Variants in AUTS2 observed in about 807,000 individuals in gnomAD.
AUTS2 encodes activator of transcription and developmental regulator AUTS2.
A neutral mutation model predicts 112.4 loss-of-function variants in AUTS2; 17 were observed. The ratio of observed to expected loss-of-function variants is 0.15; its 90% confidence interval spans 0.10 to 0.23. The LOEUF (loss-of-function observed/expected upper bound fraction) is 0.23, where lower values mean the gene tolerates loss of function less well. AUTS2 is among the 10% of genes least tolerant of loss of function. The probability of loss-of-function intolerance (pLI) is 1.00; values close to 1 mark genes in which losing one functional copy is unlikely to be tolerated. For synonymous variants in AUTS2, 751 were observed against 702.7 expected (o/e 1.07, Z -1.09); for missense variants, 1,510 against 1,701.6 (o/e 0.89, Z 1.98).
intron 5 of AUTS2, among the ~76,000 whole-genome samples, chr7:70,439,310 C>T (rs368617160): frequency 4.6e-5 from 7 of 151,966 alleles, no homozygotes; most frequent in South Asian, 2.1e-4. Flanking sequence ...GAGGCCAAGG[C>T]GGGGAGATGA....
chr7:70,034,978 C>CGT lies in AUTS2; in HGVS notation c.523-83152_523-83151dup, dbSNP rs200375546. Among the ~76,000 whole-genome samples the CGT allele has an allele frequency of 6.0e-3, 910 of 152,224 alleles. 13 individuals carry two copies. The highest frequency in any genetic ancestry group is 0.021 in the African/African-American group (866 of 41,526). On this transcript the variant is annotated intron_variant, in intron 2 of 18. Coordinates refer to ENST00000342771, the MANE Select transcript of AUTS2 (RefSeq NM_015570.4). ...TTCCATGTAGCTGGGACTATAGTCA[C>CGT]GTGCCATTACGCCTGGCTCAATTCT...
chr7:70,361,226 G>T (rs1028000512), intron 4 of AUTS2, among the ~76,000 whole-genome samples: 2 of 152,070 alleles, frequency 1.3e-5, no homozygotes, highest in African/African-American at 4.8e-5. Context: ...CCAGCTACTC[G>T]GGAGGCTGAG....
intron 1 of AUTS2, among the ~76,000 whole-genome samples, chr7:69,891,693 T>TGTG (rs1303113017): frequency 2.6e-5 from 4 of 151,626 alleles, no homozygotes; most frequent in Admixed American, 6.6e-5. Context: ...GGTATCTCAT[T>TGTG]GTGGTTTTAA....
chr7:70,756,284 T>C (rs547886858), intron 6 of AUTS2, among the ~76,000 whole-genome samples: 109 of 152,336 alleles, frequency 7.2e-4, no homozygotes, highest in African/African-American at 2.6e-3. Flanking sequence ...TTATGTGTTG[T>C]GCATTGTGGA....
chr7:70,237,896 A>T (rs1812410328), intron 4 of AUTS2, among the ~76,000 whole-genome samples: 1 of 152,214 alleles, frequency 6.6e-6, no homozygotes, highest in African/African-American at 2.4e-5. Flanking sequence ...ACTCGGAGCG[A>T]TTGCTGGAAG....
chr7:69,671,016 T>C lies in AUTS2; in HGVS notation c.309+71054T>C, dbSNP rs138021844. Among the ~76,000 whole-genome samples, 3 of 152,296 alleles carry C rather than the reference T, an allele frequency of 2.0e-5. No individual in the cohort carries two copies. In the East Asian group the frequency reaches 5.8e-4, roughly 29 times the overall value. ...CAGGCCAAAGTAAAGGAAAACTAATTTTTTAGGTAGAATGTTGGCACCTGG... is the reference window on the plus strand; with the variant it reads ...CAGGCCAAAGTAAAGGAAAACTAATCTTTTAGGTAGAATGTTGGCACCTGG... On this transcript the variant is annotated intron_variant, in intron 1 of 18. Coordinates refer to ENST00000342771, the MANE Select transcript of AUTS2 (RefSeq NM_015570.4).
At chr7:70,289,176 T>C (rs555067704) in intron 4 of AUTS2, among the ~76,000 whole-genome samples, 3 of 152,244 alleles carry the variant, frequency 2.0e-5, no homozygotes, top group Non-Finnish European at 4.4e-5. Context: ...ATTTAAGTGT[T>C]TTGAAAGTAT....
intron 4 of AUTS2, among the ~76,000 whole-genome samples, chr7:70,228,616 C>G (rs1003450669): frequency 4.0e-5 from 6 of 151,606 alleles, no homozygotes; most frequent in Admixed American, 2.6e-4. Context: ...TGCATTCTAC[C>G]TTAACACAGT....
intron 4 of AUTS2, among the ~76,000 whole-genome samples, chr7:70,158,141 A>G (rs1308014578): frequency 1.3e-5 from 2 of 152,172 alleles, no homozygotes; most frequent in Non-Finnish European, 2.9e-5. Context: ...TGGAATGCTT[A>G]GAAATTACAG....
At chr7:70,567,437 C>G (rs1188530927) in intron 5 of AUTS2, among the ~76,000 whole-genome samples, 1 of 152,228 alleles carries the variant, frequency 6.6e-6, no homozygotes, top group Non-Finnish European at 1.5e-5. Context: ...CTGCCACTCT[C>G]TGGCTCTTTG....
At chr7:70,506,630 G>A (rs569398872) in intron 5 of AUTS2, among the ~76,000 whole-genome samples, 1 of 152,150 alleles carries the variant, frequency 6.6e-6, no homozygotes, top group Non-Finnish European at 1.5e-5. Context: ...CGTGCTCCGC[G>A]CCCAGCGTAA....
chr7:69,925,712 G>C (rs999986882), intron 2 of AUTS2, among the ~76,000 whole-genome samples: 1 of 152,178 alleles, frequency 6.6e-6, no homozygotes, highest in Non-Finnish European at 1.5e-5. Flanking sequence ...TAGAGATAGT[G>C]TCTTACTATG....
intron 2 of AUTS2, among the ~76,000 whole-genome samples, chr7:70,105,694 G>A: frequency 6.6e-6 from 1 of 152,032 alleles, no homozygotes; most frequent in Non-Finnish European, 1.5e-5. Context: ...TTCATTTACT[G>A]GCCTCTCCCC....
At chr7:69,936,656 A>G (rs935041374) in intron 2 of AUTS2, among the ~76,000 whole-genome samples, 1 of 152,046 alleles carries the variant, frequency 6.6e-6, no homozygotes, top group Non-Finnish European at 1.5e-5. Context: ...GCTGGGACAT[A>G]CAGATATTTT....
At chr7:70,075,803 A>C (rs1802999071) in intron 2 of AUTS2, among the ~76,000 whole-genome samples, 1 of 152,262 alleles carries the variant, frequency 6.6e-6, no homozygotes, top group African/African-American at 2.4e-5. Flanking sequence ...AGAGTTTAAT[A>C]AAAGAAGTAG....
chr7:69,833,327 T>C (rs1258545351), intron 1 of AUTS2, among the ~76,000 whole-genome samples: 2 of 152,204 alleles, frequency 1.3e-5, no homozygotes, highest in Non-Finnish European at 2.9e-5. Flanking sequence ...ACCTTCACTG[T>C]TGACCTGATT....
At chr7:69,967,083 GACTGGACTGTTTTTAGTGTGATAATTTTC>G (rs1330000181) in intron 2 of AUTS2, among the ~76,000 whole-genome samples, 1 of 152,152 alleles carries the variant, frequency 6.6e-6, no homozygotes, top group Non-Finnish European at 1.5e-5. Flanking sequence ...TTGCTAAAGA[GACTGGACTGTTTTTAGTGTGATAATTTTC>G]TGTAGGCGTG....
intron 5 of AUTS2, among the ~76,000 whole-genome samples, chr7:70,505,415 C>T (rs1228085038): frequency 6.6e-6 from 1 of 152,140 alleles, no homozygotes; most frequent in Non-Finnish European, 1.5e-5. Context: ...AGACCCAGGA[C>T]AGGTTTCCAA....
At chr7:69,793,133 T>C (rs1196173568) in intron 1 of AUTS2, among the ~76,000 whole-genome samples, 1 of 152,120 alleles carries the variant, frequency 6.6e-6, no homozygotes, top group Non-Finnish European at 1.5e-5. Flanking sequence ...AGATAGCAGG[T>C]TGGGAGACAG....
Sources: allele counts gnomAD v4.1 joint callset (sites outside exome capture counted in the v4.1 genomes callset), GRCh38; gene constraint gnomAD v4.1.1; transcripts MANE v1.5; gene names NCBI Gene and HGNC (gene_info 2026-07-23, HGNC 2026-07-21).